The following MAP4 variants were observed in gnomAD, a reference collection of about 807,000 sequenced individuals.
MAP4 encodes the protein microtubule-associated protein 4.
In MAP4, 76 loss-of-function variants were observed where a neutral mutation model predicts 170.2. That is an observed-to-expected ratio of 0.45 (90% CI 0.37 to 0.54). The LOEUF (loss-of-function observed/expected upper bound fraction) is 0.54. MAP4 is among the 20% of genes least tolerant of loss of function. MAP4 has a pLI of 0.00. For missense variants in MAP4, 2,506 were observed against 2,748.0 expected, an observed-to-expected ratio of 0.91 and a Z score of 1.97; for synonymous variants, 909 against 994.5, an observed-to-expected ratio of 0.91 and a Z score of 1.62.
upstream of MAP4, among the ~76,000 whole-genome samples, chr3:48,016,792 T>G (rs13074998): frequency 3.5e-3 from 538 of 151,860 alleles, no homozygotes; most frequent in Non-Finnish European, 5.9e-3. Context: ...TTTTTTTTTT[T>G]GAGACAGGGT....
intron 8 of MAP4, among the ~76,000 whole-genome samples, chr3:47,913,142 T>G (rs1407313762): frequency 1.3e-5 from 2 of 152,210 alleles, no homozygotes; most frequent in African/African-American, 2.4e-5. Flanking sequence ...TAATTAATTT[T>G]AACAATTAAG....
chr3:47,986,596 C>T (rs953885181), intron 2 of MAP4, among the ~76,000 whole-genome samples: 2 of 152,164 alleles, frequency 1.3e-5, no homozygotes, highest in African/African-American at 4.8e-5. Context: ...CTGCCTCGGC[C>T]TCCCAAGTGC....
At chr3:48,007,705 A>C in intron 1 of MAP4, among the ~76,000 whole-genome samples, 1 of 145,134 alleles carries the variant, frequency 6.9e-6, no homozygotes, top group Non-Finnish European at 1.5e-5. Flanking sequence ...ACGCAGTGTC[A>C]CTCTGTTGCC....
intron 3 of MAP4, among the ~76,000 whole-genome samples, chr3:47,941,869 A>G (rs2100056724): frequency 6.6e-6 from 1 of 152,154 alleles, no homozygotes; most frequent in South Asian, 2.1e-4. Flanking sequence ...CTCAATAAAA[A>G]TATTGTTTAT....
At chr3:47,933,981 A>G (rs1329370122) in intron 3 of MAP4, among the ~76,000 whole-genome samples, 2 of 152,166 alleles carry the variant, frequency 1.3e-5, no homozygotes, top group East Asian at 3.9e-4. Context: ...TTAATTATGT[A>G]GTTTAATTTT....
intron 5 of MAP4, among the ~76,000 whole-genome samples, chr3:47,919,183 G>A (rs577822369): frequency 6.6e-6 from 1 of 152,080 alleles, no homozygotes; most frequent in South Asian, 2.1e-4. Context: ...CAACCGCCTC[G>A]GCCTCCCAAA....
intron 13 of MAP4, 118 bp downstream of exon 13, chr3:47,871,799 C>T (rs530224428): frequency 7.0e-5 from 65 of 934,224 alleles, no homozygotes; most frequent in South Asian, 1.5e-4. Context: ...CACTAAGGAC[C>T]GGTGCGTAAG....
chr3:48,029,391 G>A (rs1052268205), intron 1 of MAP4, among the ~76,000 whole-genome samples: 1 of 151,918 alleles, frequency 6.6e-6, no homozygotes. Flanking sequence ...AGCCGAGATG[G>A]CGCCACTGAA....
chr3:47,902,490 A>G (rs943352928), intron 10 of MAP4, among the ~76,000 whole-genome samples: 7 of 151,976 alleles, frequency 4.6e-5, no homozygotes, highest in African/African-American at 1.7e-4. Context: ...CCTGGCTAAC[A>G]TGGTTAAACC....
intron 4 of MAP4, among the ~76,000 whole-genome samples, chr3:47,925,106 G>A (rs932487608): frequency 6.6e-6 from 1 of 152,118 alleles, no homozygotes; most frequent in Non-Finnish European, 1.5e-5. Context: ...CACCGTGCCC[G>A]GCTGAAGCTA....
chr3:47,927,362 A>G (rs780295153), intron 4 of MAP4, among the ~76,000 whole-genome samples: 1 of 152,134 alleles, frequency 6.6e-6, no homozygotes, highest in Non-Finnish European at 1.5e-5. Flanking sequence ...TTGAGCTCTC[A>G]ATCTGGCTAA....
intron 1 of MAP4, among the ~76,000 whole-genome samples, chr3:48,062,505 A>C (rs1259549454): frequency 2.0e-5 from 3 of 150,300 alleles, no homozygotes; most frequent in Non-Finnish European, 4.4e-5. Flanking sequence ...AAAAAAAAAA[A>C]AAAAAAAAAA....
At position 47,850,900 on chromosome 3, in the gene MAP4, C is replaced by A. The variant is rs1010646316; in HGVS notation, c.*2034G>T. On this transcript the variant is annotated 3_prime_UTR_variant, in exon 21 of 21. Transcript: ENST00000683076. ...GAGTGGAGGATCCTTTGAGGGAACT[C>A]TGACCACTCCTGTTGTCTACCTAGA... 1 of 151,602 alleles carries A rather than the reference C, an allele frequency of 6.6e-6. No individual in the cohort carries two copies. The highest frequency in any genetic ancestry group is 1.5e-5 in the Non-Finnish European group (1 of 68,078). The allele number at this position is 151,602 out of a possible 1,614,324, so 9.4% of individuals were successfully genotyped here.
chr3:48,052,573 GA>G (rs2100128522), intron 1 of MAP4, among the ~76,000 whole-genome samples: 1 of 152,172 alleles, frequency 6.6e-6, no homozygotes, highest in Non-Finnish European at 1.5e-5. Context: ...GCACAACTGT[GA>G]AAATACTGAA....
At chr3:48,080,617 TAGGAGGATTGCTTGAGGCC>T (rs1449260816) in intron 1 of MAP4, among the ~76,000 whole-genome samples, 2 of 151,698 alleles carry the variant, frequency 1.3e-5, no homozygotes, top group Non-Finnish European at 2.9e-5. Flanking sequence ...GAGGCTGAGG[TAGGAGGATTGCTTGAGGCC>T]AGGAATTCAA....
chr3:47,951,949 G>A (rs1485820958), intron 3 of MAP4, among the ~76,000 whole-genome samples: 4 of 150,462 alleles, frequency 2.7e-5, no homozygotes, highest in Admixed American at 2.0e-4. Flanking sequence ...AGTGTGGAGC[G>A]TCTCTGCCCG....
At chr3:48,074,149 TC>T (rs1175784425) in intron 1 of MAP4, among the ~76,000 whole-genome samples, 1 of 151,852 alleles carries the variant, frequency 6.6e-6, no homozygotes, top group Non-Finnish European at 1.5e-5. Flanking sequence ...TGAGTTCATG[TC>T]CTTTGTAGGG....
At position 47,916,554 on chromosome 3, in the gene MAP4, T is replaced by C. The variant is rs745357034; in HGVS notation, c.1273A>G (p.Ile425Val). 1.9e-6 allele frequency: 3 copies of C among 1,614,134 alleles called. No homozygotes were observed. Among genetic ancestry groups the C allele is most frequent in the Non-Finnish European group, 2.5e-6 (3 of 1,179,962 alleles). ...EIEVAQANDI[I>V]SSTEISSAEK... ...GCAGAGGATATTTCTGTGGATGATA[T>C]AATGTCATTAGCCTGTGCCACCTCT... Residue 425 changes from isoleucine to valine, a missense_variant, in exon 7 of 21, where the codon ATA becomes GTA. By Grantham distance (29) the Ile-to-Val change is conservative. Around this residue, in one of 3 missense-constraint regions of MAP4, gnomAD observed 2,008 missense variants for 2,206.0 expected, o/e 0.91. Transcript: ENST00000683076.
chr3:48,077,946 T>C (rs541827077), intron 1 of MAP4, among the ~76,000 whole-genome samples: 6 of 152,292 alleles, frequency 3.9e-5, no homozygotes, highest in African/African-American at 1.2e-4. Context: ...GGCCATTTAT[T>C]GTATGATTCC....
Sources: gnomAD v4.1 joint callset for allele counts (sites outside exome capture counted in the v4.1 genomes callset) on GRCh38, gnomAD v4.1.1 for gene constraint, gnomAD v4.1.1 regional missense constraint, MANE v1.5 for transcripts, NCBI Gene and HGNC (gene_info 2026-07-23, HGNC 2026-07-21) for gene names.